ABLIM1: variants seen among roughly 807,000 people sequenced by gnomAD.
ABLIM1 encodes actin-binding LIM protein 1.
ABLIM1 carries 40 observed loss-of-function variants against 107.0 expected under a neutral mutation model. The observed-to-expected ratio is 0.37, with a 90% confidence interval of 0.29 to 0.49. The LOEUF (loss-of-function observed/expected upper bound fraction) is 0.49, where lower values mean the gene tolerates loss of function less well. Among genes scored for constraint, ABLIM1 ranks in the 20% least tolerant of loss-of-function variants. The pLI is 0.97. For missense variants in ABLIM1, 857 were observed against 1,008.5 expected, an observed-to-expected ratio of 0.85 and a Z score of 2.04; for synonymous variants, 357 against 357.3, an observed-to-expected ratio of 1.00 and a Z score of 0.01.
chr10:114,497,247 G>C (rs1439982902), intron 6 of ABLIM1, among the ~76,000 whole-genome samples: 1 of 152,224 alleles, frequency 6.6e-6, no homozygotes, highest in African/African-American at 2.4e-5. Context: ...TGGTTTACCA[G>C]ATACCTGGCC....
chr10:114,768,114 G>T, upstream of ABLIM1: 1 of 399,526 alleles, frequency 2.5e-6, no homozygotes, highest in Non-Finnish European at 5.0e-6. Flanking sequence ...GCGTTGGACA[G>T]CCCCGCAGGG....
intron 10 of ABLIM1, among the ~76,000 whole-genome samples, chr10:114,471,589 AC>A (rs1439235901): frequency 3.3e-5 from 5 of 152,180 alleles, no homozygotes; most frequent in Non-Finnish European, 5.9e-5. Context: ...ACTTCCTGCC[AC>A]AGGGACCTTT....
intron 6 of ABLIM1, among the ~76,000 whole-genome samples, chr10:114,540,500 C>T (rs749253314): frequency 6.6e-6 from 1 of 152,192 alleles, no homozygotes; most frequent in South Asian, 2.1e-4. Context: ...TCAGGGCTTA[C>T]AAGGATTAAG....
chr10:114,565,943 C>T (rs930522772), intron 4 of ABLIM1, among the ~76,000 whole-genome samples: 5 of 151,624 alleles, frequency 3.3e-5, no homozygotes, highest in Admixed American at 6.6e-5. Context: ...TATAGGCGCC[C>T]GCCACCATGC....
Position 114,658,083 on chromosome 10 carries a change from C to T in ABLIM1, c.118G>A (p.Glu40Lys). 1 of 1,614,220 alleles carries T rather than the reference C, an allele frequency of 6.2e-7. No individual in the cohort carries two copies. Among genetic ancestry groups the T allele is most frequent in the Non-Finnish European group, 8.5e-7 (1 of 1,180,040 alleles). The stretch of plus-strand genomic sequence containing the variant: ...GAGGTCCCAGAGACCCTCCGGTCCT[C>T]AACAATCAGTCTCTTTCTGTTCGAG... ...RGSNRKRLIV[E>K]DRRVSGTSFT... The change falls in exon 1 of 23, where the codon GAG becomes AAG. Residue 40 changes from glutamate to lysine, a missense_variant. By Grantham distance (56) the Glu-to-Lys change is moderately conservative. Transcript: ENST00000533213.
chr10:114,683,387 G>GT (rs1424124081), intron 1 of ABLIM1, among the ~76,000 whole-genome samples: 2 of 152,200 alleles, frequency 1.3e-5, no homozygotes, highest in African/African-American at 4.8e-5. Flanking sequence ...GGAGAAAACT[G>GT]TGTGGCATAA....
chr10:114,658,630 A>G (rs961011117), upstream of ABLIM1, among the ~76,000 whole-genome samples: 1 of 152,210 alleles, frequency 6.6e-6, no homozygotes, highest in Non-Finnish European at 1.5e-5. Flanking sequence ...GAAAAATCCC[A>G]GGGTAATAAT....
chr10:114,493,244 C>T (rs534221230), intron 6 of ABLIM1, among the ~76,000 whole-genome samples: 3 of 152,264 alleles, frequency 2.0e-5, no homozygotes, highest in South Asian at 4.2e-4. Flanking sequence ...AAACCAGGTT[C>T]GCTCAGCTAG....
intron 1 of ABLIM1, among the ~76,000 whole-genome samples, chr10:114,691,918 A>G (rs970072675): frequency 1.3e-5 from 2 of 152,208 alleles, no homozygotes; most frequent in African/African-American, 2.4e-5. Context: ...GTGAAAGGGT[A>G]GGAAAACAGA....
chr10:114,514,310 A>T (rs1266073669), intron 6 of ABLIM1, among the ~76,000 whole-genome samples: 1 of 151,770 alleles, frequency 6.6e-6, no homozygotes, highest in Non-Finnish European at 1.5e-5. Context: ...AAAAAAAAAA[A>T]AAAATAAAGT....
chr10:114,687,457 C>T (rs2080968768), upstream of ABLIM1, among the ~76,000 whole-genome samples: 1 of 152,192 alleles, frequency 6.6e-6, no homozygotes, highest in Non-Finnish European at 1.5e-5. Context: ...TCTCTTCTGC[C>T]TTGCAACATT....
At chr10:114,650,725 T>A (rs1591735434) in intron 1 of ABLIM1, among the ~76,000 whole-genome samples, 1 of 152,168 alleles carries the variant, frequency 6.6e-6, no homozygotes, top group Admixed American at 6.5e-5. Context: ...GTAAATCATA[T>A]CTATTTTACA....
chr10:114,646,457 A>G (rs2497698), intron 1 of ABLIM1, among the ~76,000 whole-genome samples: 3,241 of 152,332 alleles, frequency 0.021, 101 homozygotes, highest in African/African-American at 0.074. Context: ...ATCACCTTCA[A>G]GGAGCCACAA....
At chr10:114,512,903 GGAAGGAAAGAAAGAGA>G (rs1346348219) in intron 6 of ABLIM1, among the ~76,000 whole-genome samples, 1,849 of 139,998 alleles carry the variant, frequency 0.013, 21 homozygotes, top group Non-Finnish European at 0.02. Context: ...AAGGAAGGAA[GGAAGGAAAGAAAGAGA>G]GAAAGAAAGA....
At chr10:114,631,248 G>C (rs893269104) in intron 1 of ABLIM1, among the ~76,000 whole-genome samples, 1 of 152,128 alleles carries the variant, frequency 6.6e-6, no homozygotes, top group Admixed American at 6.5e-5. Flanking sequence ...TCAGGACCAC[G>C]CCTAGTGCAT....
upstream of ABLIM1, among the ~76,000 whole-genome samples, chr10:114,689,364 G>GT (rs35878862): frequency 0.045 from 5,991 of 132,610 alleles, 399 homozygotes; most frequent in African/African-American, 0.14. Context: ...TTGTATATTG[G>GT]TTTTTTTTTT....
intron 1 of ABLIM1, among the ~76,000 whole-genome samples, chr10:114,618,432 G>T (rs973322590): frequency 2.3e-4 from 35 of 152,324 alleles, no homozygotes; most frequent in Non-Finnish European, 4.9e-4. Flanking sequence ...GATGTGGAGA[G>T]AAAATTGGGT....
intron 8 of ABLIM1, among the ~76,000 whole-genome samples, chr10:114,475,729 C>T (rs974580027): frequency 5.9e-5 from 9 of 152,066 alleles, no homozygotes; most frequent in Non-Finnish European, 8.8e-5. Context: ...ACCTGAAGAA[C>T]GTGGAGAGTG....
At chr10:114,513,205 C>T (rs945227848) in intron 6 of ABLIM1, among the ~76,000 whole-genome samples, 2 of 152,114 alleles carry the variant, frequency 1.3e-5, no homozygotes, top group Non-Finnish European at 2.9e-5. Context: ...ATTTCTTACC[C>T]CTTGTACATT....
Sources: allele counts gnomAD v4.1 joint callset (sites outside exome capture counted in the v4.1 genomes callset), GRCh38; gene constraint gnomAD v4.1.1; transcripts MANE v1.5; gene names NCBI Gene and HGNC (gene_info 2026-07-23, HGNC 2026-07-21).